Variants in RTKN observed in about 807,000 individuals in gnomAD.
RTKN encodes rhotekin.
RTKN carries 49 observed loss-of-function variants against 63.5 expected under a neutral mutation model. The ratio of observed to expected loss-of-function variants is 0.77; its 90% CI spans 0.61 to 0.98. The LOEUF (loss-of-function observed/expected upper bound fraction) is 0.98, where lower values mean the gene tolerates loss of function less well. RTKN is among the 50% of genes least tolerant of loss of function. RTKN has a pLI of 0.00. For synonymous variants in RTKN, 295 were observed against 290.4 expected, an observed-to-expected ratio of 1.02 and a Z score of -0.16; for missense variants, 685 against 740.8, an observed-to-expected ratio of 0.92 and a Z score of 0.87.
chr2:74,435,826 C>T (rs573826816), intron 1 of RTKN, among the ~76,000 whole-genome samples: 1 of 152,334 alleles, frequency 6.6e-6, no homozygotes, highest in Admixed American at 6.5e-5. Context: ...GACCCGAACA[C>T]CCTAAATTCC....
At position 74,432,460 on chromosome 2, in the gene RTKN, T is replaced by C; in HGVS notation, c.311+7A>G. On this transcript the variant is annotated splice_region_variant and intron_variant, in intron 2 of 11. Transcript: ENST00000272430. ...CTCCATCGAGGCCTCGTCTCCCCCT[T>C]GCTCACCGCCGGCTTGTCTTCCCCA... 1 of 1,606,670 alleles carries C rather than the reference T, an allele frequency of 6.2e-7. No individual in the cohort carries two copies. The highest frequency in any genetic ancestry group is 8.5e-7 in the Non-Finnish European group (1 of 1,179,884).
At chr2:74,433,010 G>A (rs1670843844) in intron 1 of RTKN, among the ~76,000 whole-genome samples, 1 of 152,320 alleles carries the variant, frequency 6.6e-6, no homozygotes, top group Admixed American at 6.5e-5. Flanking sequence ...TTGGGAGGCA[G>A]AGGCAGGCGG....
Position 74,441,862 on chromosome 2 carries a change from G to GC in RTKN, c.-47dup, listed in dbSNP as rs1378259687. Reference sequence around the variant, plus strand: ...GCCTGCTCAGTGCGCTCCCCGCGCCGCCCGGCTTAGCCTCCTCTCCTCGGC... The same window carrying GC: ...GCCTGCTCAGTGCGCTCCCCGCGCCGCCCCGGCTTAGCCTCCTCTCCTCGGC... On this transcript the variant is annotated 5_prime_UTR_variant, in exon 1 of 12. Coordinates refer to ENST00000272430, the MANE Select transcript of RTKN (RefSeq NM_001015055.2). 10 of 1,163,572 alleles carry GC rather than the reference G, an allele frequency of 8.6e-6. No individual in the cohort carries two copies. In the South Asian group the frequency reaches 1.3e-4, roughly 15 times the overall value. 72.1% of individuals were successfully genotyped at this position (1,163,572 alleles called of 1,614,324 possible).
intron 1 of RTKN, chr2:74,439,573 C>G (rs1423088012): frequency 6.2e-7 from 1 of 1,614,144 alleles, no homozygotes; most frequent in South Asian, 1.1e-5. Flanking sequence ...TGCCATCTGC[C>G]GAATGTAGAG....
At chr2:74,440,510 A>T (rs1185925642) in intron 1 of RTKN, 1 of 986,546 alleles carries the variant, frequency 1.0e-6, no homozygotes, top group Non-Finnish European at 1.2e-6. Flanking sequence ...CCTCCACGCC[A>T]GGCCCACGGA....
intron 11 of RTKN, 126 bp from the exon 12 acceptor site, chr2:74,426,700 C>G: frequency 7.1e-7 from 1 of 1,405,264 alleles, no homozygotes; most frequent in Non-Finnish European, 9.2e-7. Flanking sequence ...GTGGAGATTG[C>G]GTTATCCTGC....
Position 74,426,382 on chromosome 2 carries a change from G to C in RTKN, c.1553C>G (p.Thr518Ser). The C allele has an allele frequency of 1.2e-6, 2 of 1,611,696 alleles. No individual in the cohort carries two copies. The highest frequency in any genetic ancestry group is 1.7e-6 in the Non-Finnish European group (2 of 1,178,792). ...TGGGGGGACAGCATCCAGGGAAAAG[G>C]TTCGGGGTCTCCCCCAGGGCAGGGG... Reference protein sequence around the residue: ...THPLPWGRPRTFSLDAVPPDH... With the variant: ...THPLPWGRPRSFSLDAVPPDH... The change falls in exon 12 of 12, where the codon ACC becomes AGC. Residue 518 changes from threonine to serine, a missense_variant. Thr to Ser is a moderately conservative substitution (Grantham distance 58). Transcript: ENST00000272430.
intron 1 of RTKN, among the ~76,000 whole-genome samples, chr2:74,438,263 C>A (rs556200309): frequency 6.6e-6 from 1 of 152,252 alleles, no homozygotes; most frequent in South Asian, 2.1e-4. Context: ...AGTTCTCTTT[C>A]TTTGCCCTCC....
chr2:74,437,937 A>C (rs988428540), intron 1 of RTKN, among the ~76,000 whole-genome samples: 6 of 152,228 alleles, frequency 3.9e-5, no homozygotes, highest in Non-Finnish European at 8.8e-5. Flanking sequence ...TGTGAAGGAC[A>C]CAACCTGCAC....
intron 2 of RTKN, chr2:74,430,933 G>A: frequency 1.9e-6 from 1 of 519,182 alleles, no homozygotes; most frequent in Non-Finnish European, 3.4e-6. Flanking sequence ...CTCTCTCCAA[G>A]CAACCTCCCT....
In RTKN at chr2:74,430,660, G is replaced by C; in HGVS notation, c.329C>G (p.Pro110Arg). The change falls in exon 3 of 12, where the codon CCG (proline) becomes CGG (arginine). Residue 110 changes from proline to arginine, a missense_variant. Coordinates refer to ENST00000272430, the MANE Select transcript of RTKN (RefSeq NM_001015055.2). ...GCGGCAGGGGGAGCGCTCAGCGGGC[G>C]GGCCACTGTCAGAAGGCCTGTGGAT... is the stretch of plus-strand genomic sequence containing the variant. Reference protein sequence around the residue: ...KTSRRPSDSGPPAERSPCRGR... With the variant: ...KTSRRPSDSGRPAERSPCRGR... The C allele has an allele frequency of 6.2e-7, 1 of 1,612,910 alleles. No homozygotes were observed. The highest frequency in any genetic ancestry group is 8.5e-7 in the Non-Finnish European group (1 of 1,179,906).
chr2:74,435,180 A>T (rs1287122126), intron 1 of RTKN, among the ~76,000 whole-genome samples: 1 of 152,196 alleles, frequency 6.6e-6, no homozygotes, highest in East Asian at 1.9e-4. Context: ...GGGCCAGCTG[A>T]GAGGCCCTGG....
rs1041316664 is a variant in RTKN, at chr2:74,441,876, C to T, written c.-60G>A. ...CTCCCCGCGCCGCCCGGCTTAGCCTCCTCTCCTCGGCTTCTGTCTCTCGAC... is the reference window on the plus strand; with the variant it reads ...CTCCCCGCGCCGCCCGGCTTAGCCTTCTCTCCTCGGCTTCTGTCTCTCGAC... On this transcript the variant is annotated 5_prime_UTR_variant, in exon 1 of 12. Coordinates refer to ENST00000272430, the MANE Select transcript of RTKN (RefSeq NM_001015055.2). 2.5e-5 allele frequency: 26 copies of T among 1,041,982 alleles called. No individual in the cohort carries two copies. The highest frequency in any genetic ancestry group is 3.6e-5 in the Non-Finnish European group (25 of 688,594). 64.5% of individuals were successfully genotyped at this position (1,041,982 alleles called of 1,614,324 possible).
chr2:74,439,579 T>C, intron 1 of RTKN: 3 of 1,614,164 alleles, frequency 1.9e-6, no homozygotes, highest in Non-Finnish European at 2.5e-6. Flanking sequence ...CTGCCGAATG[T>C]AGAGCATATT....
chr2:74,441,777 T>C lies in RTKN; in HGVS notation c.40A>G (p.Arg14Gly). Residue 14 changes from arginine to glycine, a missense_variant, in exon 1 of 12, where the codon AGG (arginine) becomes GGG (glycine). Physicochemically the swap from Arg to Gly is moderately radical, Grantham distance 125. Transcript: ENST00000272430. ...RNHRSRVTVARGSALEMEFKR... is the reference protein window; with the variant it reads ...RNHRSRVTVAGGSALEMEFKR... The stretch of plus-strand genomic sequence containing the variant: ...AACTCCATCTCCAGGGCGGAGCCCC[T>C]GGCCACGGTGACCCGGCTCCGGTGG... The C allele has an allele frequency of 6.2e-7, 1 of 1,611,896 alleles. No homozygotes were observed. The highest frequency in any genetic ancestry group is 8.5e-7 in the Non-Finnish European group (1 of 1,179,566).
intron 5 of RTKN, 101 bp from the exon 6 acceptor site, chr2:74,430,138 C>T: frequency 6.7e-7 from 1 of 1,496,642 alleles, no homozygotes; most frequent in Non-Finnish European, 9.2e-7. Context: ...ACAGAGAAGG[C>T]CAGGTGCCCC....
intron 5 of RTKN, 92 bp downstream of exon 5, chr2:74,430,160 C>G (rs1670665061): frequency 6.6e-7 from 1 of 1,509,804 alleles, no homozygotes; most frequent in Non-Finnish European, 9.2e-7. Context: ...CCTCTCCACC[C>G]TGCCCCCATC....
intron 9 of RTKN, 175 bp from the exon 10 acceptor site, chr2:74,427,767 A>T: frequency 1.6e-6 from 1 of 634,026 alleles, no homozygotes; most frequent in Non-Finnish European, 2.7e-6. Context: ...GGGATGAGAC[A>T]GCCAGTCCTG....
rs576231779 is a variant in RTKN, at chr2:74,432,574, A to G, written c.204T>C (p.Ala68=). 2 of 1,614,044 alleles carry G rather than the reference A, an allele frequency of 1.2e-6. No homozygotes were observed. ...CTAGCAGGCTCTTGGTGGCCTCCAG[A>G]GCCTGCTCTCGCTGGGAGCAGGCTG... is the stretch of plus-strand genomic sequence containing the variant. ...LLAACSQREQ[A]LEATKSLLVC... is the part of the protein sequence containing the mutation. The change falls in exon 2 of 12, where the codon GCT becomes GCC. Residue 68 remains alanine (A), a synonymous_variant. Transcript: ENST00000272430.
Sources: allele counts gnomAD v4.1 joint callset (sites outside exome capture counted in the v4.1 genomes callset), GRCh38; gene constraint gnomAD v4.1.1; transcripts MANE v1.5; gene names NCBI Gene and HGNC (gene_info 2026-07-23, HGNC 2026-07-21).